CCDC85A: variants seen among roughly 807,000 people sequenced by gnomAD.
The protein encoded by CCDC85A is coiled-coil domain-containing protein 85A.
Under a neutral mutation model 50.2 loss-of-function variants are expected in CCDC85A, and 38 were observed. The observed-to-expected ratio is 0.76, with a 90% CI of 0.58 to 0.99. The LOEUF (loss-of-function observed/expected upper bound fraction) is 0.99. Ranked by LOEUF, CCDC85A falls within the 50% of genes least tolerant of loss-of-function variation. The probability of loss-of-function intolerance (pLI) is 0.00; values close to 1 mark genes in which losing one functional copy is unlikely to be tolerated. For synonymous variants in CCDC85A, 366 were observed against 301.4 expected, an observed-to-expected ratio of 1.21 and a Z score of -2.22; for missense variants, 820 against 742.0, an observed-to-expected ratio of 1.11 and a Z score of -1.22.
intron 2 of CCDC85A, among the ~76,000 whole-genome samples, chr2:56,205,704 A>G (rs1489895073): frequency 2.0e-5 from 3 of 152,326 alleles, no homozygotes; most frequent in Non-Finnish European, 4.4e-5. Context: ...GCACTGTTCC[A>G]TGTGTGGATG....
chr2:56,384,064 A>G lies in CCDC85A; in HGVS notation c.1573-202A>G, dbSNP rs74880652. Among the ~76,000 whole-genome samples, 932 of 151,964 alleles carry G rather than the reference A, an allele frequency of 6.1e-3. 9 individuals are homozygous for G. The highest frequency in any genetic ancestry group is 0.022 in the African/African-American group (895 of 41,516). On this transcript the variant is annotated intron_variant, in intron 5 of 5. Transcript: ENST00000407595. ...TTGACCCTGGTTACTAACAAGGTTT[A>G]GTAGTCCCTACTACTAAGTAGTTCT...
intron 2 of CCDC85A, among the ~76,000 whole-genome samples, chr2:56,221,282 A>G (rs1668316168): frequency 6.6e-6 from 1 of 152,060 alleles, no homozygotes; most frequent in Non-Finnish European, 1.5e-5. Context: ...TATACCATAT[A>G]TACACTTACT....
chr2:56,190,790 G>C (rs1401486123), intron 1 of CCDC85A, among the ~76,000 whole-genome samples: 1 of 152,238 alleles, frequency 6.6e-6, no homozygotes. Flanking sequence ...GAGCCTACTT[G>C]TTAATCTTGC....
At chr2:56,303,467 A>G (rs12463587) in intron 2 of CCDC85A, among the ~76,000 whole-genome samples, 19,293 of 152,032 alleles carry the variant, frequency 0.13, 1,414 homozygotes, top group Admixed American at 0.22. Flanking sequence ...ATAGAGGAAG[A>G]TGAGCAAGGA....
At chr2:56,314,261 G>A (rs1171067264) in intron 2 of CCDC85A, among the ~76,000 whole-genome samples, 1 of 151,488 alleles carries the variant, frequency 6.6e-6, no homozygotes, top group Non-Finnish European at 1.5e-5. Flanking sequence ...GGTCAGATGT[G>A]TGATGGTATA....
chr2:56,352,486 C>T (rs1434243669), intron 3 of CCDC85A, among the ~76,000 whole-genome samples: 5 of 152,222 alleles, frequency 3.3e-5, no homozygotes, highest in Admixed American at 2.6e-4. Flanking sequence ...GCTGGGATTA[C>T]AGGCACGCGC....
At chr2:56,377,881 C>T (rs1676410813) in intron 5 of CCDC85A, among the ~76,000 whole-genome samples, 1 of 147,920 alleles carries the variant, frequency 6.8e-6, no homozygotes, top group African/African-American at 2.5e-5. Context: ...GTGTGAAACT[C>T]CGTCTCAAAA....
In CCDC85A at chr2:56,192,827, C is replaced by T. The variant is rs751958354; in HGVS notation, c.627C>T (p.Asp209=). The change falls in exon 2 of 6, where the codon GAC becomes GAT. Residue 209 remains aspartate, a synonymous_variant. Coordinates refer to ENST00000407595, the MANE Select transcript of CCDC85A (RefSeq NM_001080433.2). This position sits in a 1 kb window ranked among gnomAD's most constrained non-coding sequence, Gnocchi z 4.7. ...CACCCTACGTGCGGGATGTGGGTGA[C>T]GGCAGCAGCACCTCCAGCACTGGCA... ...STAPYVRDVG[D]GSSTSSTGST... is the part of the protein sequence containing the mutation. 71 of 1,613,198 alleles carry T rather than the reference C, an allele frequency of 4.4e-5. No individual in the cohort carries two copies. The highest frequency in any genetic ancestry group is 3.8e-4 in the South Asian group (35 of 91,040).
chr2:56,286,734 T>C (rs1291683781), intron 2 of CCDC85A, among the ~76,000 whole-genome samples: 1 of 152,210 alleles, frequency 6.6e-6, no homozygotes, highest in Non-Finnish European at 1.5e-5. Flanking sequence ...TTTTCTTTAT[T>C]ATGAGTCATG....
chr2:56,354,812 G>A (rs1024659875), intron 3 of CCDC85A, among the ~76,000 whole-genome samples: 2 of 152,166 alleles, frequency 1.3e-5, no homozygotes, highest in Non-Finnish European at 2.9e-5. Context: ...ACTAGAAGAC[G>A]ATTTAGGGTT....
At chr2:56,315,712 C>T (rs1462571072) in intron 2 of CCDC85A, among the ~76,000 whole-genome samples, 1 of 152,014 alleles carries the variant, frequency 6.6e-6, no homozygotes, top group Non-Finnish European at 1.5e-5. Context: ...GCTATAAGGG[C>T]CAGCTCTTGA....
At chr2:56,288,941 C>G (rs991879637) in intron 2 of CCDC85A, among the ~76,000 whole-genome samples, 1 of 152,106 alleles carries the variant, frequency 6.6e-6, no homozygotes, top group Non-Finnish European at 1.5e-5. Context: ...GTACAGAGAG[C>G]CTTATGACCC....
At chr2:56,366,552 T>A (rs1675804602) in intron 3 of CCDC85A, among the ~76,000 whole-genome samples, 1 of 152,246 alleles carries the variant, frequency 6.6e-6, no homozygotes, top group Admixed American at 6.5e-5. Flanking sequence ...GTCTTCTTTT[T>A]AAGAAATGTC....
chr2:56,294,167 C>T (rs1413189212), intron 2 of CCDC85A, among the ~76,000 whole-genome samples: 1 of 152,130 alleles, frequency 6.6e-6, no homozygotes, highest in Non-Finnish European at 1.5e-5. Context: ...AGCCATTATC[C>T]TCAGCAAAGT....
intron 2 of CCDC85A, among the ~76,000 whole-genome samples, chr2:56,329,113 A>G (rs1379453869): frequency 6.6e-6 from 1 of 151,282 alleles, no homozygotes; most frequent in African/African-American, 2.4e-5. Flanking sequence ...TTCCCCCCTC[A>G]TTTCCTTCAC....
At chr2:56,311,408 T>A (rs1470154431) in intron 2 of CCDC85A, among the ~76,000 whole-genome samples, 1 of 152,110 alleles carries the variant, frequency 6.6e-6, no homozygotes, top group East Asian at 1.9e-4. Context: ...TGGTGAGAGT[T>A]GTTTTGAGAC....
intron 2 of CCDC85A, among the ~76,000 whole-genome samples, chr2:56,230,621 CAT>C (rs759187076): frequency 4.6e-5 from 7 of 152,230 alleles, no homozygotes; most frequent in African/African-American, 1.2e-4. Context: ...TCTCAGCTCA[CAT>C]GTTACCTCCT....
chr2:56,248,298 G>A (rs560599589), intron 2 of CCDC85A, among the ~76,000 whole-genome samples: 51 of 152,272 alleles, frequency 3.3e-4, no homozygotes, highest in African/African-American at 1.2e-3. Flanking sequence ...CCTTGGTTGG[G>A]TCTCCAGCCT....
intron 3 of CCDC85A, among the ~76,000 whole-genome samples, chr2:56,350,615 G>C (rs965447536): frequency 1.3e-5 from 2 of 152,104 alleles, no homozygotes; most frequent in African/African-American, 4.8e-5. Context: ...TGGGAAGCTT[G>C]TAAAGATGCT....
Sources: gnomAD v4.1 joint callset for allele counts (sites outside exome capture counted in the v4.1 genomes callset) on GRCh38, gnomAD v4.1.1 for gene constraint, Gnocchi (gnomAD v3.1) non-coding constraint, MANE v1.5 for transcripts, NCBI Gene and HGNC (gene_info 2026-07-23, HGNC 2026-07-21) for gene names.